The following ARHGAP35 variants were observed in gnomAD, a reference collection of about 807,000 sequenced individuals.
ARHGAP35 encodes the protein Rho GTPase activating protein 35.
ARHGAP35 carries 15 observed loss-of-function variants against 111.1 expected under a neutral mutation model. The observed-to-expected ratio is 0.13, with a 90% confidence interval of 0.09 to 0.21. The LOEUF (loss-of-function observed/expected upper bound fraction) is 0.21. Among genes scored for constraint, ARHGAP35 ranks in the 10% least tolerant of loss-of-function variants. The pLI, the probability that ARHGAP35 is intolerant of heterozygous loss-of-function variation, is 1.00. For missense variants in ARHGAP35, 1,262 were observed against 1,873.0 expected, an observed-to-expected ratio of 0.67 and a Z score of 6.02; for synonymous variants, 643 against 710.3, an observed-to-expected ratio of 0.91 and a Z score of 1.51.
chr19:46,987,625 A>C (rs568701382), intron 3 of ARHGAP35, among the ~76,000 whole-genome samples: 21 of 152,316 alleles, frequency 1.4e-4, no homozygotes, highest in Admixed American at 2.6e-4. Flanking sequence ...AATTCACAAC[A>C]TACTTTGTAA....
In ARHGAP35 at chr19:46,989,745, G is replaced by A; in HGVS notation, c.4036+70G>A. ...GCTTGGCACTGGAAGAATAGGTCCT[G>A]CCCTCAGAATGGATGCTGGCTGTTA... On this transcript the variant is annotated intron_variant, in intron 5 of 6. Coordinates refer to ENST00000672722, the MANE Select transcript of ARHGAP35 (RefSeq NM_004491.5). This position sits in a 1 kb window ranked among gnomAD's most constrained non-coding sequence, Gnocchi z 5.3. 6.3e-7 allele frequency: 1 copy of A among 1,599,934 alleles called. No homozygotes were observed. Among genetic ancestry groups the A allele is most frequent in the South Asian group, 1.1e-5 (1 of 90,408 alleles).
At position 47,000,954 on chromosome 19, in the gene ARHGAP35, G is replaced by A. The variant is rs1279015237; in HGVS notation, c.*266G>A. 5 of 1,518,778 alleles carry A rather than the reference G, an allele frequency of 3.3e-6. No homozygotes were observed. Among genetic ancestry groups the A allele is most frequent in the Non-Finnish European group, 4.4e-6 (5 of 1,135,968 alleles). 94.1% of individuals were successfully genotyped at this position (1,518,778 alleles called of 1,614,324 possible). A position where few individuals can be genotyped will look rare whatever the true frequency, so the allele number is the denominator to read the frequency against. ...GCAATGGCTCCAGTGCCCTCCCTCT[G>A]TTCCCTGGACCACCACCCCACGTAG... On this transcript the variant is annotated 3_prime_UTR_variant, in exon 7 of 7. Transcript: ENST00000672722. The surrounding 1 kb of genome is among the most constrained non-coding windows in gnomAD (Gnocchi z 6.9).
rs1372108887 is a variant in ARHGAP35, at chr19:46,899,720, CAA to C, written c.-188-18764_-188-18763del. ...GTACAAAAAAAAACAAAAACAAAAA[CAA>C]AAACAAAAAAAAAAAGAAGAAGATT... On this transcript the variant is annotated intron_variant, in intron 1 of 6. Transcript: ENST00000672722. Among the ~76,000 whole-genome samples the C allele has an allele frequency of 5.5e-3, 822 of 149,254 alleles. 2 individuals are homozygous for C. The highest frequency in any genetic ancestry group is 0.017 in the Middle Eastern group (5 of 294).
intron 3 of ARHGAP35, among the ~76,000 whole-genome samples, chr19:46,981,888 C>T (rs2056622622): frequency 6.6e-6 from 1 of 151,602 alleles, no homozygotes; most frequent in African/African-American, 2.4e-5. Context: ...GGGTCTCACT[C>T]TGTCTCCCAA....
intron 1 of ARHGAP35, among the ~76,000 whole-genome samples, chr19:46,897,786 G>A (rs1476279311): frequency 6.6e-6 from 1 of 151,606 alleles, no homozygotes; most frequent in African/African-American, 2.4e-5. Context: ...AAAAATCTCT[G>A]CCCCATGTGT....
At chr19:46,863,361 C>G (rs893623445) in intron 1 of ARHGAP35, among the ~76,000 whole-genome samples, 6 of 152,194 alleles carry the variant, frequency 3.9e-5, no homozygotes, top group South Asian at 2.1e-4. Context: ...TTACTACTCT[C>G]TGGAGTCTGG....
At chr19:46,874,810 CTTTTTT>C (rs537873271) in intron 1 of ARHGAP35, among the ~76,000 whole-genome samples, 1 of 88,204 alleles carries the variant, frequency 1.1e-5, no homozygotes, top group Non-Finnish European at 2.2e-5. Context: ...CAGTTTTGTC[CTTTTTT>C]TTTTTTTTTT....
chr19:46,997,981 A>G (rs1294689358), intron 5 of ARHGAP35, among the ~76,000 whole-genome samples: 1 of 152,092 alleles, frequency 6.6e-6, no homozygotes, highest in African/African-American at 2.4e-5. Flanking sequence ...GGGCACCTGT[A>G]ATCCCAGCTA....
intron 1 of ARHGAP35, among the ~76,000 whole-genome samples, chr19:46,902,478 A>C (rs945624442): frequency 6.6e-6 from 1 of 152,070 alleles, no homozygotes; most frequent in Non-Finnish European, 1.5e-5. Flanking sequence ...GAGCGGAGAA[A>C]GGGGTGTGAG....
At chr19:46,870,861 A>G (rs577005351) in intron 1 of ARHGAP35, among the ~76,000 whole-genome samples, 20 of 152,342 alleles carry the variant, frequency 1.3e-4, no homozygotes, top group East Asian at 9.6e-4. Flanking sequence ...AAAATAAGGT[A>G]TAATCTACAT....
chr19:46,990,087 A>G (rs1165961873), intron 5 of ARHGAP35, among the ~76,000 whole-genome samples: 1 of 152,054 alleles, frequency 6.6e-6, no homozygotes, highest in East Asian at 1.9e-4. Flanking sequence ...AGTAGGTCTT[A>G]TTTTTCTTTC....
chr19:46,974,542 G>A (rs926380340), intron 3 of ARHGAP35, among the ~76,000 whole-genome samples: 4 of 152,172 alleles, frequency 2.6e-5, no homozygotes, highest in Admixed American at 2.0e-4. Flanking sequence ...ATGCAAGGGC[G>A]GCGATTCACC....
At chr19:46,998,938 A>G in intron 5 of ARHGAP35, 1 of 212,028 alleles carries the variant, frequency 4.7e-6, no homozygotes, top group Non-Finnish European at 9.4e-6. Context: ...CCATCTGGTC[A>G]GGAAGCAAGC....
chr19:46,928,919 G>C (rs2122212566), intron 2 of ARHGAP35, among the ~76,000 whole-genome samples: 1 of 151,230 alleles, frequency 6.6e-6, no homozygotes, highest in South Asian at 2.1e-4. Context: ...GCAACAGAGG[G>C]AGACGGTCTC....
rs2122237946 is a variant in ARHGAP35 at position 46,945,571 on chromosome 19, C to T, written c.3826+8163C>T. 6.6e-6 allele frequency among the ~76,000 whole-genome samples: 1 copy of T among 152,134 alleles called. No homozygotes were observed. Among genetic ancestry groups the T allele is most frequent in the South Asian group, 2.1e-4 (1 of 4,810 alleles). On this transcript the variant is annotated intron_variant, in intron 3 of 6. Coordinates refer to ENST00000672722, the MANE Select transcript of ARHGAP35 (RefSeq NM_004491.5). This position sits in a 1 kb window ranked among gnomAD's most constrained non-coding sequence, Gnocchi z 4.1. ...ATTTGAGTCAAGCCTTCCTAGGATT[C>T]AAGAAATCTGACAGCATAGGAACCC...
chr19:46,977,997 G>A (rs991540678), intron 3 of ARHGAP35, among the ~76,000 whole-genome samples: 29 of 152,202 alleles, frequency 1.9e-4, no homozygotes, highest in African/African-American at 6.3e-4. Flanking sequence ...GGGAGACCTC[G>A]GAGGGAGCAT....
rs2056735589 is a variant in ARHGAP35, at chr19:46,999,743, G to A, written c.4142+334G>A. On this transcript the variant is annotated intron_variant, in intron 6 of 6. Coordinates refer to ENST00000672722, the MANE Select transcript of ARHGAP35 (RefSeq NM_004491.5). This position sits in a 1 kb window ranked among gnomAD's most constrained non-coding sequence, Gnocchi z 5.4. ...GGCAGAGAGAGAAGATCTTCTGGTT[G>A]GTACTGATGCTCCAGAAATCTTCTC... 1 of 305,848 alleles carries A rather than the reference G, an allele frequency of 3.3e-6. No individual in the cohort carries two copies. The highest frequency in any genetic ancestry group is 6.0e-5 in the East Asian group (1 of 16,752). 18.9% of individuals were successfully genotyped at this position (305,848 alleles called of 1,614,324 possible). A position where few individuals can be genotyped will look rare whatever the true frequency, so the allele number is the denominator to read the frequency against.
At chr19:46,868,024 T>C (rs1193826071) in intron 1 of ARHGAP35, among the ~76,000 whole-genome samples, 1 of 152,064 alleles carries the variant, frequency 6.6e-6, no homozygotes, top group African/African-American at 2.4e-5. Context: ...ACGCCCACCA[T>C]GCCCATCTAG....
At chr19:46,964,802 C>G (rs2056503648) in intron 3 of ARHGAP35, among the ~76,000 whole-genome samples, 1 of 152,094 alleles carries the variant, frequency 6.6e-6, no homozygotes, top group South Asian at 2.1e-4. Flanking sequence ...GAAATGGGCA[C>G]AAGCCAACAT....
Sources: allele counts gnomAD v4.1 joint callset (sites outside exome capture counted in the v4.1 genomes callset), GRCh38; gene constraint gnomAD v4.1.1; non-coding constraint Gnocchi (gnomAD v3.1); transcripts MANE v1.5; gene names NCBI Gene and HGNC (gene_info 2026-07-23, HGNC 2026-07-21).